Variants in DCTN2 observed in about 807,000 individuals in gnomAD.
DCTN2 encodes the protein dynactin subunit 2, also known as 50 kDa dynein-associated polypeptide.
In DCTN2, 18 loss-of-function variants were observed where a neutral mutation model predicts 55.4. The observed-to-expected ratio is 0.32, with a 90% CI of 0.22 to 0.48. The LOEUF (loss-of-function observed/expected upper bound fraction) is 0.48. DCTN2 is among the 20% of genes least tolerant of loss of function. The pLI, the probability that DCTN2 is intolerant of heterozygous loss-of-function variation, is 0.99. For synonymous variants in DCTN2, 168 were observed against 185.2 expected, an observed-to-expected ratio of 0.91 and a Z score of 0.76; for missense variants, 390 against 491.0, an observed-to-expected ratio of 0.79 and a Z score of 1.94.
At chr12:57,532,691 G>A (rs751707552) in intron 10 of DCTN2, 42 bp downstream of exon 10, 3 of 1,613,656 alleles carry the variant, frequency 1.9e-6, no homozygotes, top group South Asian at 1.1e-5. Context: ...GGCTTCCAGA[G>A]TCCCAAGCTA....
intron 2 of DCTN2, chr12:57,536,114 C>T (rs1880212315): frequency 2.2e-6 from 1 of 445,898 alleles, no homozygotes; most frequent in South Asian, 4.0e-5. Flanking sequence ...TGTACATAAG[C>T]CTTCCCATCC....
intron 13 of DCTN2, 124 bp downstream of exon 13, chr12:57,531,891 T>C: frequency 7.1e-7 from 1 of 1,415,766 alleles, no homozygotes. Context: ...GGATGGAGAC[T>C]CCAGACCAAC....
chr12:57,544,979 C>G (rs1373707953), intron 2 of DCTN2, among the ~76,000 whole-genome samples: 1 of 152,146 alleles, frequency 6.6e-6, no homozygotes, highest in Non-Finnish European at 1.5e-5. Context: ...AAGGTGTTTC[C>G]CACAATGTAA....
rs1709870 is a variant in DCTN2, at chr12:57,534,036, T to G, written c.586A>C (p.Thr196Pro). 6.2e-7 allele frequency: 1 copy of G among 1,613,564 alleles called. No homozygotes were observed. Among genetic ancestry groups the G allele is most frequent in the Non-Finnish European group, 8.5e-7 (1 of 1,179,682 alleles). ...AGGCTGCTATCTGGGGGGGTCCCAG[T>G]GGTTTTTCCCCCTGATCCCCCTTTG... ...NSKGGSGGKTTGTPPDSSLVT... is the reference protein window; with the variant it reads ...NSKGGSGGKTPGTPPDSSLVT... The change falls in exon 7 of 14, where the codon ACT becomes CCT. Residue 196 changes from threonine to proline, a missense_variant. Thr to Pro is a conservative substitution (Grantham distance 38, BLOSUM62 -1). Coordinates refer to ENST00000548249, the MANE Select transcript of DCTN2 (RefSeq NM_001261413.2).
Position 57,538,921 on chromosome 12 carries a change from T to A in DCTN2, c.106-3076A>T, listed in dbSNP as rs374419013. ...GTGGTGGGGAAGCTATTAGAAATGG[T>A]AGAAGATGAAGCAGAAGTTAGAAAT... On this transcript the variant is annotated intron_variant, in intron 2 of 13. Transcript: ENST00000548249. Among the ~76,000 whole-genome samples, 5 of 152,164 alleles carry A rather than the reference T, an allele frequency of 3.3e-5. No homozygotes were observed. The East Asian group carries it at 9.6e-4, about 29-fold the overall frequency.
chr12:57,538,318 T>TAGC (rs1241336860), intron 2 of DCTN2: 3 of 641,010 alleles, frequency 4.7e-6, no homozygotes, highest in South Asian at 4.5e-5. Flanking sequence ...AGTCCTCCAG[T>TAGC]AGCACCTACT....
chr12:57,532,713 A>AT lies in DCTN2; in HGVS notation c.852+19dup, dbSNP rs758908043. ...AGAGTCCCAAGCTATCCATAATTTA[A>AT]TTTTCCCTCCATTTAATACCTGTAG... On this transcript the variant is annotated intron_variant, in intron 10 of 13. Transcript: ENST00000548249. The AT allele has an allele frequency of 5.1e-5, 82 of 1,613,740 alleles. No homozygotes were observed. The East Asian group carries it at 1.8e-3, about 36-fold the overall frequency.
Position 57,546,061 on chromosome 12 carries a change from G to A in DCTN2, c.72C>T (p.Asp24=), listed in dbSNP as rs1478750580. 6.2e-7 allele frequency: 1 copy of A among 1,613,784 alleles called. No individual in the cohort carries two copies. Among genetic ancestry groups the A allele is most frequent in the African/African-American group, 1.3e-5 (1 of 74,886 alleles). The change falls in exon 2 of 14, where the codon GAC becomes GAT. Residue 24 remains aspartate, a synonymous_variant. Transcript: ENST00000548249. ...ACTCCGCTTGATCATCCTCAGGTAG[G>A]TCGCTAGTTTCATAAACATCTGGCT... ...RNEPDVYETS[D]LPEDDQAEFD...
At chr12:57,535,219 A>C in intron 4 of DCTN2, 65 bp from the exon 5 acceptor site, 1 of 1,346,512 alleles carries the variant, frequency 7.4e-7, no homozygotes, top group Non-Finnish European at 1.0e-6. Context: ...GAATTCATCC[A>C]CACCCTGGGC....
intron 2 of DCTN2, among the ~76,000 whole-genome samples, chr12:57,542,040 C>A (rs1381958603): frequency 6.6e-6 from 1 of 152,168 alleles, no homozygotes; most frequent in Non-Finnish European, 1.5e-5. Flanking sequence ...TCTGGGAGGC[C>A]TAGGTGAGTG....
intron 7 of DCTN2, 141 bp downstream of exon 7, chr12:57,533,812 C>G: frequency 2.3e-6 from 2 of 874,832 alleles, no homozygotes; most frequent in Non-Finnish European, 3.4e-6. Context: ...AACAACGAAT[C>G]AGGAATCAAA....
At chr12:57,537,382 G>A (rs866106206) in intron 2 of DCTN2, among the ~76,000 whole-genome samples, 27 of 140,680 alleles carry the variant, frequency 1.9e-4, no homozygotes, top group African/African-American at 6.1e-4. Flanking sequence ...AAAAAAAAAA[G>A]GCCTGGGCCC....
At chr12:57,533,214 A>T (rs1267671151) in intron 8 of DCTN2, 24 bp downstream of exon 8, 1 of 1,612,442 alleles carries the variant, frequency 6.2e-7, no homozygotes, top group Non-Finnish European at 8.5e-7. Context: ...TAAGGCTCAG[A>T]TTATGTACAG....
At chr12:57,540,824 T>A (rs1252884523) in intron 2 of DCTN2, among the ~76,000 whole-genome samples, 1 of 152,240 alleles carries the variant, frequency 6.6e-6, no homozygotes, top group Admixed American at 6.5e-5. Flanking sequence ...CCAAGTTATC[T>A]TACAATTGCA....
intron 13 of DCTN2, among the ~76,000 whole-genome samples, 156 bp from the exon 14 acceptor site, chr12:57,530,931 C>A (rs74470647): frequency 1.3e-5 from 2 of 152,258 alleles, no homozygotes; most frequent in East Asian, 3.9e-4. Context: ...TCAAGCTACC[C>A]TTAGAGTACA....
chr12:57,535,486 T>G lies in DCTN2; in HGVS notation c.262A>C (p.Met88Leu). The change falls in exon 4 of 14, where the codon ATG becomes CTG. Residue 88 changes from methionine to leucine, a missense_variant and splice_region_variant. By Grantham distance (15) the Met-to-Leu change is conservative. This residue lies in a region of DCTN2 where 117 missense variants were observed against 187.8 expected (regional missense o/e 0.62). Transcript: ENST00000548249. ...ACACACACACACACACAACAAACCATCTCATATTCTCCAGATTCATATCCT... is the reference window on the plus strand; with the variant it reads ...ACACACACACACACACAACAAACCAGCTCATATTCTCCAGATTCATATCCT... The part of the protein sequence containing the change: ...RTGYESGEYE[M>L]LGEGLGVKET... 1 of 1,613,834 alleles carries G rather than the reference T, an allele frequency of 6.2e-7. No individual in the cohort carries two copies. The highest frequency in any genetic ancestry group is 8.5e-7 in the Non-Finnish European group (1 of 1,179,838).
chr12:57,544,787 T>C (rs926638990), intron 2 of DCTN2, among the ~76,000 whole-genome samples: 6 of 152,182 alleles, frequency 3.9e-5, no homozygotes, highest in Non-Finnish European at 7.4e-5. Context: ...TATACACTCC[T>C]ATTCTGTGAG....
intron 8 of DCTN2, 41 bp downstream of exon 8, chr12:57,533,197 C>A (rs745630176): frequency 1.9e-6 from 3 of 1,605,866 alleles, no homozygotes. Flanking sequence ...CCTAGAGTTG[C>A]AGGATCTAAG....
intron 1 of DCTN2, among the ~76,000 whole-genome samples, chr12:57,546,449 A>G (rs539850269): frequency 1.3e-5 from 2 of 152,206 alleles, no homozygotes; most frequent in Admixed American, 1.3e-4. Context: ...AAGGATTGAG[A>G]GTGACTCAGG....
Sources: allele counts gnomAD v4.1 joint callset (sites outside exome capture counted in the v4.1 genomes callset), GRCh38; gene constraint gnomAD v4.1.1; regional missense constraint gnomAD v4.1.1; transcripts MANE v1.5; gene names NCBI Gene and HGNC (gene_info 2026-07-23, HGNC 2026-07-21).